Variants in GREM2 observed in about 807,000 individuals in gnomAD.
GREM2 encodes the protein gremlin 2, DAN family BMP antagonist, also known as gremlin-2.
Under a neutral mutation model 14.2 loss-of-function variants are expected in GREM2, and 11 were observed. The ratio of observed to expected loss-of-function variants is 0.78; its 90% CI spans 0.49 to 1.28. The LOEUF (loss-of-function observed/expected upper bound fraction) is 1.28, where lower values mean the gene tolerates loss of function less well. GREM2 is among the 50% of genes most tolerant of loss of function. GREM2 has a pLI of 0.00. For synonymous variants in GREM2, 98 were observed against 97.6 expected, an observed-to-expected ratio of 1.00 and a Z score of -0.02; for missense variants, 210 against 218.5, an observed-to-expected ratio of 0.96 and a Z score of 0.24.
chr1:240,541,504 A>G (rs1678587574), intron 1 of GREM2, among the ~76,000 whole-genome samples: 1 of 152,194 alleles, frequency 6.6e-6, no homozygotes, highest in African/African-American at 2.4e-5. Context: ...CCATGTTCAA[A>G]GACTGATTGA....
Position 240,491,145 on chromosome 1 carries a change from A to T in GREM2, c.*1824T>A, listed in dbSNP as rs1040019614. ...GGTGTTGCAGAAATGACAGAAATGCACCTTGCAGTGCAGTGGCCTGAGATA... is the reference window on the plus strand; with the variant it reads ...GGTGTTGCAGAAATGACAGAAATGCTCCTTGCAGTGCAGTGGCCTGAGATA... On this transcript the variant is annotated 3_prime_UTR_variant, in exon 2 of 2. Coordinates refer to ENST00000318160, the MANE Select transcript of GREM2 (RefSeq NM_022469.4). The T allele has an allele frequency of 6.6e-6, 1 of 152,242 alleles. No individual in the cohort carries two copies. The highest frequency in any genetic ancestry group is 1.5e-5 in the Non-Finnish European group (1 of 68,082). 9.4% of individuals were successfully genotyped at this position (152,242 alleles called of 1,614,324 possible).
chr1:240,505,964 C>T (rs1479320444), intron 1 of GREM2, among the ~76,000 whole-genome samples: 3 of 151,774 alleles, frequency 2.0e-5, no homozygotes, highest in South Asian at 2.1e-4. Flanking sequence ...CATTTTAAAA[C>T]GTGGTATAAC....
intron 1 of GREM2, among the ~76,000 whole-genome samples, chr1:240,562,757 G>T (rs950169158): frequency 3.3e-5 from 5 of 151,894 alleles, no homozygotes; most frequent in Non-Finnish European, 7.4e-5. Flanking sequence ...ACGCATATGT[G>T]TGTATGTATA....
chr1:240,574,181 A>G (rs1679313250), intron 1 of GREM2, among the ~76,000 whole-genome samples: 1 of 152,078 alleles, frequency 6.6e-6, no homozygotes, highest in African/African-American at 2.4e-5. Context: ...CGGCCTCCCA[A>G]AGTGATGGGA....
intron 1 of GREM2, among the ~76,000 whole-genome samples, chr1:240,562,568 T>C (rs1679060765): frequency 6.6e-6 from 1 of 152,228 alleles, no homozygotes; most frequent in South Asian, 2.1e-4. Context: ...AGTTTAATAT[T>C]TCTTTGTGGG....
intron 1 of GREM2, among the ~76,000 whole-genome samples, chr1:240,602,802 A>T (rs1242833717): frequency 7.1e-6 from 1 of 140,840 alleles, no homozygotes; most frequent in Non-Finnish European, 1.5e-5. Context: ...TGACAGAGCG[A>T]GACTGATCTC....
In GREM2 at chr1:240,558,390, T is replaced by C. The variant is rs116029540; in HGVS notation, c.-2+53494A>G. On this transcript the variant is annotated intron_variant, in intron 1 of 1. Transcript: ENST00000318160. ...CCTCAAAACTATGCGAAAACAATTT[T>C]GATGAATTTTTTTTAAATATTGAAA... Among the ~76,000 whole-genome samples, 1,409 of 152,002 alleles carry C rather than the reference T, an allele frequency of 9.3e-3. 26 individuals carry two copies. The highest frequency in any genetic ancestry group is 0.032 in the African/African-American group (1,315 of 41,332).
At chr1:240,574,664 G>A (rs148499018) in intron 1 of GREM2, among the ~76,000 whole-genome samples, 57 of 151,876 alleles carry the variant, frequency 3.8e-4, no homozygotes, top group African/African-American at 8.2e-4. Flanking sequence ...TGGGGGTGTC[G>A]AGGGTGTGGA....
chr1:240,558,683 C>T (rs2103347148), intron 1 of GREM2, among the ~76,000 whole-genome samples: 1 of 152,134 alleles, frequency 6.6e-6, no homozygotes, highest in South Asian at 2.1e-4. Context: ...AGTTCTCAAA[C>T]TTGTTGGTGT....
Position 240,509,514 on chromosome 1 carries a change from A to C in GREM2, c.-1-16038T>G, listed in dbSNP as rs192403503. Among the ~76,000 whole-genome samples the C allele has an allele frequency of 1.9e-4, 29 of 152,126 alleles. No homozygotes were observed. In the East Asian group the frequency reaches 5.4e-3, roughly 29 times the overall value. ...CTCCCGAGTAGCTGTGATTACAGGC[A>C]TGCACCAACAAGCCCAGCTAATGTT... On this transcript the variant is annotated intron_variant, in intron 1 of 1. Transcript: ENST00000318160.
At position 240,534,531 on chromosome 1, in the gene GREM2, T is replaced by C. The variant is rs181644393; in HGVS notation, c.-1-41055A>G. On this transcript the variant is annotated intron_variant, in intron 1 of 1. Coordinates refer to ENST00000318160, the MANE Select transcript of GREM2 (RefSeq NM_022469.4). Reference sequence around the variant, plus strand: ...GGTGAAACCCTGTCTCTACTAAAAATACAAAAAAAAATTAGCTGGGCATGG... The same window carrying C: ...GGTGAAACCCTGTCTCTACTAAAAACACAAAAAAAAATTAGCTGGGCATGG... Among the ~76,000 whole-genome samples, 122 of 150,982 alleles carry C rather than the reference T, an allele frequency of 8.1e-4. No individual in the cohort carries two copies. The East Asian group carries it at 0.01, about 13-fold the overall frequency.
chr1:240,510,369 C>CAAAAAAAA lies in GREM2; in HGVS notation c.-1-16901_-1-16894dup, dbSNP rs71170753. Among the ~76,000 whole-genome samples, 40 of 59,556 alleles carry CAAAAAAAA rather than the reference C, an allele frequency of 6.7e-4. 2 individuals carry two copies. The highest frequency in any genetic ancestry group is 8.7e-4 in the African/African-American group (14 of 16,098). 39.1% of individuals were successfully genotyped at this position (59,556 alleles called of 152,430 possible). ...TGGGCGACAGAGCGAGACTCCGTCG[C>CAAAAAAAA]AAAAAAAAAAAAAAAAAAAAAAAAA... On this transcript the variant is annotated intron_variant, in intron 1 of 1. Coordinates refer to ENST00000318160, the MANE Select transcript of GREM2 (RefSeq NM_022469.4).
rs1677211612 is a variant in GREM2, at chr1:240,490,033, G to A, written c.*2936C>T. On this transcript the variant is annotated 3_prime_UTR_variant, in exon 2 of 2. Coordinates refer to ENST00000318160, the MANE Select transcript of GREM2 (RefSeq NM_022469.4). The stretch of plus-strand genomic sequence containing the variant: ...AGATTAAGTCAATTAATAGAAAAAT[G>A]GAGATGCTATAAACTAAGAAATATT... The A allele has an allele frequency of 6.6e-6, 1 of 152,180 alleles. No individual in the cohort carries two copies. The highest frequency in any genetic ancestry group is 2.1e-4 in the South Asian group (1 of 4,826). 9.4% of individuals were successfully genotyped at this position (152,180 alleles called of 1,614,324 possible).
At chr1:240,571,235 C>T (rs1381218112) in intron 1 of GREM2, among the ~76,000 whole-genome samples, 6 of 152,122 alleles carry the variant, frequency 3.9e-5, no homozygotes, top group Non-Finnish European at 7.4e-5. Flanking sequence ...AGAAATAACA[C>T]CAGTCACTAA....
chr1:240,527,195 G>C (rs915874042), intron 1 of GREM2, among the ~76,000 whole-genome samples: 1 of 151,498 alleles, frequency 6.6e-6, no homozygotes, highest in Non-Finnish European at 1.5e-5. Flanking sequence ...CAGCAGCCCA[G>C]ATATAAAATG....
At chr1:240,554,089 C>T (rs1678906739) in intron 1 of GREM2, among the ~76,000 whole-genome samples, 1 of 152,036 alleles carries the variant, frequency 6.6e-6, no homozygotes, top group Non-Finnish European at 1.5e-5. Context: ...TTCTGTTTTC[C>T]TCTTTTATTA....
At chr1:240,533,057 A>G (rs149283948) in intron 1 of GREM2, among the ~76,000 whole-genome samples, 1 of 152,226 alleles carries the variant, frequency 6.6e-6, no homozygotes, top group Non-Finnish European at 1.5e-5. Context: ...GAAACTACCC[A>G]CAAAGAACTC....
intron 1 of GREM2, among the ~76,000 whole-genome samples, chr1:240,579,243 C>T (rs1055383801): frequency 9.2e-5 from 14 of 152,168 alleles, no homozygotes; most frequent in African/African-American, 3.4e-4. Context: ...AAGGTTGTAA[C>T]ATCAACTTTG....
intron 1 of GREM2, among the ~76,000 whole-genome samples, chr1:240,608,505 G>T (rs962024751): frequency 6.6e-6 from 1 of 152,156 alleles, no homozygotes; most frequent in African/African-American, 2.4e-5. Flanking sequence ...TTCCATAGAT[G>T]ATAAGATTAG....
Sources: gnomAD v4.1 joint callset for allele counts (sites outside exome capture counted in the v4.1 genomes callset) on GRCh38, gnomAD v4.1.1 for gene constraint, MANE v1.5 for transcripts, NCBI Gene and HGNC (gene_info 2026-07-23, HGNC 2026-07-21) for gene names.